The following NAA15 variants were observed in gnomAD, a reference collection of about 807,000 sequenced individuals.
NAA15 encodes the protein N-alpha-acetyltransferase 15, NatA auxiliary subunit, also known as N-terminal acetyltransferase.
Under a neutral mutation model 114.0 loss-of-function variants are expected in NAA15, and 34 were observed. That is an observed-to-expected ratio of 0.30 (90% CI 0.23 to 0.40). The LOEUF (loss-of-function observed/expected upper bound fraction) is 0.40. NAA15 is among the 10% of genes least tolerant of loss of function. NAA15 has a pLI of 1.00. For missense variants in NAA15, 658 were observed against 1,004.5 expected (o/e 0.66, Z 4.66); for synonymous variants, 340 against 338.0 (o/e 1.01, Z -0.06).
chr4:139,364,012 T>C lies in NAA15; in HGVS notation c.1753+2075T>C, dbSNP rs921945051. Among the ~76,000 whole-genome samples the C allele has an allele frequency of 2.0e-5, 3 of 152,152 alleles. 1 individual carries two copies. Among genetic ancestry groups the C allele is most frequent in the Non-Finnish European group, 4.4e-5 (3 of 68,018 alleles). ...CCTCTCAACTCAGCCTCCTGAGTAG[T>C]TGGGACTACAGGTGCGTGCCACTGC... On this transcript the variant is annotated intron_variant, in intron 14 of 19. Coordinates refer to ENST00000296543, the MANE Select transcript of NAA15 (RefSeq NM_057175.5).
At chr4:139,333,464 C>T (rs1747095827) in intron 1 of NAA15, among the ~76,000 whole-genome samples, 1 of 151,462 alleles carries the variant, frequency 6.6e-6, no homozygotes, top group Admixed American at 6.6e-5. Flanking sequence ...TTTGAGATTT[C>T]ACTATGATAT....
rs768760652 is a variant in NAA15 at position 139,351,072 on chromosome 4, ATAAT to A, written c.812-117_812-114del. 3.4e-5 allele frequency: 17 copies of A among 499,524 alleles called. No homozygotes were observed. In the East Asian group the frequency reaches 4.1e-4, roughly 12 times the overall value. The allele number at this position is 499,524 out of a possible 1,614,324, so 30.9% of individuals were successfully genotyped here. On this transcript the variant is annotated intron_variant, in intron 7 of 19. Coordinates refer to ENST00000296543, the MANE Select transcript of NAA15 (RefSeq NM_057175.5). ...TGAAATAGTAGATGTAAGATTACAAATAATTCCAATTTTCTTTTAAATATTAGAA... is the reference window on the plus strand; with the variant it reads ...TGAAATAGTAGATGTAAGATTACAAATCCAATTTTCTTTTAAATATTAGAA...
chr4:139,310,420 C>G (rs1746182309), intron 1 of NAA15, among the ~76,000 whole-genome samples: 1 of 148,112 alleles, frequency 6.8e-6, no homozygotes, highest in East Asian at 2.0e-4. Flanking sequence ...CGCCACTGCA[C>G]TCCAGCCTGG....
At position 139,360,365 on chromosome 4, in the gene NAA15, AC is replaced by A. The variant is rs994726300; in HGVS notation, c.1411-134del. ...GAATATCAGTTGTTTTCCCATGTTA[AC>A]TATTCTTTAAGAATGTTTTAAAAAT... On this transcript the variant is annotated intron_variant, in intron 12 of 19. Transcript: ENST00000296543. 22 of 621,266 alleles carry A rather than the reference AC, an allele frequency of 3.5e-5. No homozygotes were observed. In the African/African-American group the frequency reaches 4.0e-4, roughly 11 times the overall value. 38.5% of individuals were successfully genotyped at this position (621,266 alleles called of 1,614,324 possible).
chr4:139,301,769 G>C lies in NAA15; in HGVS notation c.-9G>C. 1 of 1,571,496 alleles carries C rather than the reference G, an allele frequency of 6.4e-7. No homozygotes were observed. The highest frequency in any genetic ancestry group is 8.6e-7 in the Non-Finnish European group (1 of 1,157,956). Reference sequence around the variant, plus strand: ...GGTGGTGGCGGGAGCAGCGGGAGCAGCCGGAACGATGCCGGCCGTGAGCCT... The same window carrying C: ...GGTGGTGGCGGGAGCAGCGGGAGCACCCGGAACGATGCCGGCCGTGAGCCT... On this transcript the variant is annotated 5_prime_UTR_variant, in exon 1 of 20. Transcript: ENST00000296543.
chr4:139,390,768 A>G lies in NAA15; in HGVS notation c.*2684A>G, dbSNP rs2111019370. On this transcript the variant is annotated 3_prime_UTR_variant, in exon 20 of 20. Transcript: ENST00000296543. ...TATCGTATTTATTATGCACAAAAAT[A>G]AAGTGTGATCTCTAATAGCATGGCT... is the stretch of plus-strand genomic sequence containing the variant. 1 of 152,380 alleles carries G rather than the reference A, an allele frequency of 6.6e-6. No homozygotes were observed. The highest frequency in any genetic ancestry group is 1.9e-4 in the East Asian group (1 of 5,196). The allele number at this position is 152,380 out of a possible 1,614,324, so 9.4% of individuals were successfully genotyped here.
chr4:139,355,072 C>G (rs1000730261), intron 10 of NAA15, among the ~76,000 whole-genome samples: 4 of 151,874 alleles, frequency 2.6e-5, no homozygotes, highest in African/African-American at 9.7e-5. Flanking sequence ...CGGGGTCTCA[C>G]CATATTGGCC....
At chr4:139,325,147 A>G (rs1746754386) in intron 1 of NAA15, among the ~76,000 whole-genome samples, 1 of 151,942 alleles carries the variant, frequency 6.6e-6, no homozygotes, top group Non-Finnish European at 1.5e-5. Context: ...CCTGTCAGTT[A>G]TTTGGAGGGG....
chr4:139,386,230 G>A lies in NAA15; in HGVS notation c.2400G>A (p.Gln800=). Residue 800 remains glutamine (Q), a splice_region_variant and synonymous_variant, in exon 19 of 20, where the codon CAG becomes CAA. Coordinates refer to ENST00000296543, the MANE Select transcript of NAA15 (RefSeq NM_057175.5). The part of the protein sequence containing the change: ...LDESLTNRNL[Q]TCMEVLEALY... ...AATCTCTCACTAACAGAAACCTCCA[G>A]GTAAAGAGTTTTTCATAATCTCTCT... is the stretch of plus-strand genomic sequence containing the variant. 1 of 1,566,952 alleles carries A rather than the reference G, an allele frequency of 6.4e-7. No individual in the cohort carries two copies. Among genetic ancestry groups the A allele is most frequent in the Non-Finnish European group, 8.7e-7 (1 of 1,143,994 alleles).
chr4:139,371,915 T>C (rs1046876423), intron 15 of NAA15, among the ~76,000 whole-genome samples: 10 of 152,006 alleles, frequency 6.6e-5, no homozygotes, highest in African/African-American at 2.4e-4. Context: ...GTATTTCTCT[T>C]TTGTTTGTTT....
chr4:139,338,437 T>G (rs912561842), intron 3 of NAA15, among the ~76,000 whole-genome samples: 8 of 150,946 alleles, frequency 5.3e-5, no homozygotes, highest in Non-Finnish European at 8.8e-5. Context: ...CATTCTGGGG[T>G]TTTTTTTTGT....
Position 139,388,030 on chromosome 4 carries a change from C to T in NAA15, c.2547C>T (p.Ile849=). The stretch of plus-strand genomic sequence containing the variant: ...CTGGATATGAAGAGGATATGAAGAT[C>T]ACAGTTAATGGAGATAGTTCTGCAG... ...MPPGYEEDMK[I]TVNGDSSAEA... The change falls in exon 20 of 20, where the codon ATC becomes ATT. Residue 849 remains isoleucine (I), a synonymous_variant. Coordinates refer to ENST00000296543, the MANE Select transcript of NAA15 (RefSeq NM_057175.5). 6.2e-7 allele frequency: 1 copy of T among 1,613,830 alleles called. No individual in the cohort carries two copies. The highest frequency in any genetic ancestry group is 1.3e-5 in the African/African-American group (1 of 74,994).
intron 6 of NAA15, among the ~76,000 whole-genome samples, chr4:139,348,403 C>T (rs1389637668): frequency 2.0e-5 from 3 of 148,564 alleles, no homozygotes; most frequent in South Asian, 2.1e-4. Context: ...GAGCCATGAT[C>T]GATCGCACCA....
chr4:139,345,347 G>A (rs1488864183), intron 6 of NAA15, among the ~76,000 whole-genome samples: 1 of 152,222 alleles, frequency 6.6e-6, no homozygotes, highest in African/African-American at 2.4e-5. Context: ...AAGATGGCAA[G>A]TCTGGAAAAA....
chr4:139,304,830 T>C (rs1386094540), intron 1 of NAA15, among the ~76,000 whole-genome samples: 1 of 152,052 alleles, frequency 6.6e-6, no homozygotes, highest in East Asian at 1.9e-4. Context: ...CCACATCCAT[T>C]ATCTCTCCCA....
intron 1 of NAA15, among the ~76,000 whole-genome samples, chr4:139,332,588 T>G (rs1213663507): frequency 1.6e-5 from 2 of 128,910 alleles, no homozygotes; most frequent in African/African-American, 3.1e-5. Context: ...TTTTTTTTTT[T>G]TTTTTTTTTT....
At chr4:139,386,099 C>T in intron 18 of NAA15, 34 bp from the exon 19 acceptor site, 3 of 1,210,422 alleles carry the variant, frequency 2.5e-6, no homozygotes, top group South Asian at 1.4e-5. Flanking sequence ...TTGGTTTTAC[C>T]TTGAAATAAA....
intron 6 of NAA15, among the ~76,000 whole-genome samples, chr4:139,346,553 A>AT (rs111574999): frequency 0.25 from 37,958 of 150,700 alleles, 4,887 homozygotes; most frequent in African/African-American, 0.31. Flanking sequence ...GCAAAAAAAA[A>AT]ATTTTTTTTT....
In NAA15 at chr4:139,360,520, G is replaced by C; in HGVS notation, c.1431G>C (p.Glu477Asp). 6.3e-7 allele frequency: 1 copy of C among 1,594,108 alleles called. No homozygotes were observed. The highest frequency in any genetic ancestry group is 1.1e-5 in the South Asian group (1 of 87,352). Residue 477 changes from glutamate (E) to aspartate (D), a missense_variant, in exon 13 of 20, where the codon GAG (glutamate) becomes GAC (aspartate). Physicochemically the swap from Glu to Asp is conservative, Grantham distance 45. Transcript: ENST00000296543. ...KFTREGTSAV[E>D]NLNEMQCMWF... is the part of the protein sequence containing the mutation. Reference sequence around the variant, plus strand: ...TATAGGAAGGAACATCAGCGGTAGAGAATTTGAATGAAATGCAGTGCATGT... The same window carrying C: ...TATAGGAAGGAACATCAGCGGTAGACAATTTGAATGAAATGCAGTGCATGT...
Sources: allele counts gnomAD v4.1 joint callset (sites outside exome capture counted in the v4.1 genomes callset), GRCh38; gene constraint gnomAD v4.1.1; transcripts MANE v1.5; gene names NCBI Gene and HGNC (gene_info 2026-07-23, HGNC 2026-07-21).